TPD52: variants seen among roughly 807,000 people sequenced by gnomAD.
The protein encoded by TPD52 is tumor protein D52, also known as prostate and colon associated protein.
TPD52 carries 17 observed loss-of-function variants against 31.3 expected under a neutral mutation model. The ratio of observed to expected loss-of-function variants is 0.54; its 90% CI spans 0.37 to 0.82. The LOEUF is 0.82. Ranked by LOEUF, TPD52 falls within the 40% of genes least tolerant of loss-of-function variation. The pLI is 0.00. For missense variants in TPD52, 212 were observed against 240.1 expected, an observed-to-expected ratio of 0.88 and a Z score of 0.77; for synonymous variants, 83 against 89.6, an observed-to-expected ratio of 0.93 and a Z score of 0.42.
At chr8:80,164,024 CAGAGAGAGAGAG>C (rs58566558) in intron 1 of TPD52, among the ~76,000 whole-genome samples, 2 of 110,224 alleles carry the variant, frequency 1.8e-5, no homozygotes, top group Non-Finnish European at 3.9e-5. Context: ...GAGAGAGAGA[CAGAGAGAGAGAG>C]AGAGAGAGAG....
At chr8:80,171,303 G>A (rs1409152540) in intron 1 of TPD52, 122 bp downstream of exon 1, 6 of 1,304,344 alleles carry the variant, frequency 4.6e-6, no homozygotes, top group Non-Finnish European at 6.5e-6. Flanking sequence ...TTGCGGCGCC[G>A]GCCCAGGAGG....
At chr8:80,159,292 G>T (rs1458016603) in intron 1 of TPD52, among the ~76,000 whole-genome samples, 1 of 152,134 alleles carries the variant, frequency 6.6e-6, no homozygotes, top group Non-Finnish European at 1.5e-5. Flanking sequence ...ATGACTTCAG[G>T]TTCAGTATTC....
chr8:80,037,281 T>C lies in TPD52; in HGVS notation c.*835A>G, dbSNP rs1166272201. 1 of 152,522 alleles carries C rather than the reference T, an allele frequency of 6.6e-6. No homozygotes were observed. The allele number at this position is 152,522 out of a possible 1,614,324, so 9.4% of individuals were successfully genotyped here. ...TTCTAGATCTAAACTTTCAGGCTTT[T>C]GAACTGAACATTGATGACAGTGTTC... On this transcript the variant is annotated 3_prime_UTR_variant, in exon 8 of 8. Transcript: ENST00000518937.
chr8:80,131,713 T>A (rs1809029799), intron 1 of TPD52, among the ~76,000 whole-genome samples: 1 of 152,180 alleles, frequency 6.6e-6, no homozygotes, highest in Admixed American at 6.5e-5. Context: ...ACCTATGAGC[T>A]CACACACTTT....
At chr8:80,082,411 A>G (rs1177187710) in intron 1 of TPD52, among the ~76,000 whole-genome samples, 1 of 152,184 alleles carries the variant, frequency 6.6e-6, no homozygotes, top group Non-Finnish European at 1.5e-5. Flanking sequence ...ATATTGGTAG[A>G]AAAAGTATTT....
At chr8:80,048,099 T>C (rs1489846083) in intron 5 of TPD52, among the ~76,000 whole-genome samples, 1 of 152,170 alleles carries the variant, frequency 6.6e-6, no homozygotes, top group Non-Finnish European at 1.5e-5. Context: ...GCATATCACC[T>C]GAGGGAAAAG....
At chr8:80,171,283 G>A (rs1812071799) in intron 1 of TPD52, 142 bp downstream of exon 1, 8 of 1,081,562 alleles carry the variant, frequency 7.4e-6, no homozygotes, top group Non-Finnish European at 1.1e-5. Context: ...CCGGATCCGG[G>A]AGATGCAACT....
In TPD52 at chr8:80,053,435, G is replaced by A. The variant is rs771899777; in HGVS notation, c.136-5C>T. The A allele has an allele frequency of 7.4e-6, 12 of 1,612,488 alleles. No individual in the cohort carries two copies. In the East Asian group the frequency reaches 1.3e-4, roughly 18 times the overall value. On this transcript the variant is annotated splice_polypyrimidine_tract_variant and splice_region_variant and intron_variant, in intron 2 of 7. Transcript: ENST00000518937. ...AGTCTGGATTTCTTCTTCTACCTAT[G>A]AGGAAGGGGTTTGGGGTAAGAATAT...
chr8:80,093,711 TA>T (rs1413117571), intron 1 of TPD52, among the ~76,000 whole-genome samples: 3 of 151,012 alleles, frequency 2.0e-5, no homozygotes, highest in Non-Finnish European at 2.9e-5. Flanking sequence ...TTAAAAAAAA[TA>T]TACACTGCAC....
At position 80,110,768 on chromosome 8, in the gene TPD52, G is replaced by T. The variant is rs185334746; in HGVS notation, c.20-46175C>A. On this transcript the variant is annotated intron_variant, in intron 1 of 7. Coordinates refer to ENST00000518937, the MANE Select transcript of TPD52 (RefSeq NM_001025253.3). ...GAAACTACCAACTAATCTCTAACTAGGAACTTTCCACTCTAATCAATCAAA... is the reference window on the plus strand; with the variant it reads ...GAAACTACCAACTAATCTCTAACTATGAACTTTCCACTCTAATCAATCAAA... Among the ~76,000 whole-genome samples the T allele has an allele frequency of 1.9e-3, 296 of 152,226 alleles. 3 individuals carry two copies. Among genetic ancestry groups the T allele is most frequent in the African/African-American group, 6.5e-3 (269 of 41,534 alleles).
intron 1 of TPD52, among the ~76,000 whole-genome samples, chr8:80,089,568 A>C (rs568707961): frequency 9.9e-5 from 15 of 152,188 alleles, no homozygotes; most frequent in Non-Finnish European, 2.2e-4. Context: ...ATTTGAAGAG[A>C]AGAGAGGCCC....
chr8:80,080,674 A>T, intron 1 of TPD52: 1 of 1,263,740 alleles, frequency 7.9e-7, no homozygotes, highest in Non-Finnish European at 1.0e-6. Context: ...ATTTATCCTG[A>T]GCAACCTTAG....
At chr8:80,162,144 A>G (rs999958317) in intron 1 of TPD52, among the ~76,000 whole-genome samples, 1 of 152,202 alleles carries the variant, frequency 6.6e-6, no homozygotes, top group African/African-American at 2.4e-5. Context: ...CACTATTTTT[A>G]GTACCAATTA....
chr8:80,032,364 C>T (rs1809716621), downstream of TPD52, among the ~76,000 whole-genome samples: 1 of 152,022 alleles, frequency 6.6e-6, no homozygotes, highest in South Asian at 2.1e-4. Flanking sequence ...TTTTCACATA[C>T]GCCATCTTAA....
chr8:80,062,973 T>TA (rs540697243), intron 2 of TPD52, among the ~76,000 whole-genome samples: 2,410 of 150,870 alleles, frequency 0.016, 30 homozygotes, highest in Middle Eastern at 0.037. Flanking sequence ...CCTTGTATCT[T>TA]AAAAAAAAAG....
chr8:80,152,162 C>T (rs998387437), intron 1 of TPD52, among the ~76,000 whole-genome samples: 13 of 119,286 alleles, frequency 1.1e-4, no homozygotes, highest in African/African-American at 4.7e-4. Flanking sequence ...GAAGATCAGA[C>T]CTGCCTTTCA....
At chr8:80,050,312 A>G (rs1157142500) in intron 5 of TPD52, 133 bp downstream of exon 5, 2 of 766,496 alleles carry the variant, frequency 2.6e-6, no homozygotes, top group Admixed American at 3.6e-5. Flanking sequence ...TGCACTAGAG[A>G]AAAAGATACT....
chr8:80,136,179 T>TAAAAAAA (rs796723826), intron 1 of TPD52, among the ~76,000 whole-genome samples: 2 of 121,492 alleles, frequency 1.6e-5, no homozygotes, highest in Non-Finnish European at 3.4e-5. Context: ...GTCTTTGAGG[T>TAAAAAAA]TAAAAAAAAA....
intron 5 of TPD52, among the ~76,000 whole-genome samples, chr8:80,049,781 T>A (rs1811185376): frequency 6.6e-6 from 1 of 152,216 alleles, no homozygotes; most frequent in African/African-American, 2.4e-5. Flanking sequence ...AACATCTTTT[T>A]AATGTGCTTT....
Sources: allele counts gnomAD v4.1 joint callset (sites outside exome capture counted in the v4.1 genomes callset), GRCh38; gene constraint gnomAD v4.1.1; transcripts MANE v1.5; gene names NCBI Gene and HGNC (gene_info 2026-07-23, HGNC 2026-07-21).